The following RNF220 variants were observed in gnomAD, a reference collection of about 807,000 sequenced individuals.
RNF220 encodes the protein ring finger protein 220.
RNF220 carries 7 observed loss-of-function variants against 67.1 expected under a neutral mutation model. The ratio of observed to expected loss-of-function variants is 0.10; its 90% CI spans 0.06 to 0.20. The LOEUF (loss-of-function observed/expected upper bound fraction) is 0.20, where lower values mean the gene tolerates loss of function less well. Among genes scored for constraint, RNF220 ranks in the 10% least tolerant of loss-of-function variants. The probability of loss-of-function intolerance (pLI) is 1.00; values close to 1 mark genes in which losing one functional copy is unlikely to be tolerated. For missense variants in RNF220, 565 were observed against 740.3 expected, an observed-to-expected ratio of 0.76 and a Z score of 2.75; for synonymous variants, 270 against 283.2, an observed-to-expected ratio of 0.95 and a Z score of 0.47.
chr1:44,426,956 CTT>C, intron 2 of RNF220, among the ~76,000 whole-genome samples: 1 of 152,216 alleles, frequency 6.6e-6, no homozygotes, highest in African/African-American at 2.4e-5. Context: ...TAAATTCAGT[CTT>C]TTTATTGCAA....
At chr1:44,494,138 G>A (rs964223432) in intron 2 of RNF220, among the ~76,000 whole-genome samples, 2 of 150,250 alleles carry the variant, frequency 1.3e-5, no homozygotes, top group South Asian at 2.1e-4. Flanking sequence ...CTCAGGAGGC[G>A]GAGGTTGCAG....
Position 44,621,646 on chromosome 1 carries a change from G to A in RNF220, c.759-1096G>A, listed in dbSNP as rs958264454. On this transcript the variant is annotated intron_variant, in intron 3 of 14. Coordinates refer to ENST00000361799, the MANE Select transcript of RNF220 (RefSeq NM_018150.4). The surrounding 1 kb of genome is among the most constrained non-coding windows in gnomAD (Gnocchi z 4.8). The stretch of plus-strand genomic sequence containing the variant: ...TGCCTGTGCTTTTGCTGGCTTGTCC[G>A]GTACGTTTGTGTCTGGCCCTGTGGG... Among the ~76,000 whole-genome samples the A allele has an allele frequency of 2.6e-5, 4 of 152,058 alleles. No homozygotes were observed. Among genetic ancestry groups the A allele is most frequent in the East Asian group, 3.9e-4 (2 of 5,178 alleles).
chr1:44,645,371 A>C lies in RNF220; in HGVS notation c.1367-39A>C. 1.2e-6 allele frequency: 2 copies of C among 1,613,800 alleles called. No individual in the cohort carries two copies. Among genetic ancestry groups the C allele is most frequent in the South Asian group, 2.2e-5 (2 of 91,058 alleles). ...GCCCAACCCCTCACCTGTGCTGCCC[A>C]GTCTGGCCGGAGTGTGAGTTGCCCC... On this transcript the variant is annotated intron_variant, in intron 11 of 14. Transcript: ENST00000361799. This position sits in a 1 kb window ranked among gnomAD's most constrained non-coding sequence, Gnocchi z 5.0.
chr1:44,494,753 T>C (rs1657176859), intron 2 of RNF220, among the ~76,000 whole-genome samples: 1 of 152,212 alleles, frequency 6.6e-6, no homozygotes, highest in Non-Finnish European at 1.5e-5. Flanking sequence ...CTTTTGCTCT[T>C]TCTTTTGGTA....
chr1:44,563,912 C>T (rs1395748190), intron 2 of RNF220, among the ~76,000 whole-genome samples: 1 of 152,204 alleles, frequency 6.6e-6, no homozygotes, highest in Non-Finnish European at 1.5e-5. Flanking sequence ...TCTTACATCT[C>T]TATCTTCTCT....
At chr1:44,486,304 G>A (rs1348788043) in intron 2 of RNF220, among the ~76,000 whole-genome samples, 1 of 152,208 alleles carries the variant, frequency 6.6e-6, no homozygotes, top group Non-Finnish European at 1.5e-5. Context: ...GGCTGAGAGA[G>A]CTCAGAGGCT....
intron 7 of RNF220, 158 bp downstream of exon 7, chr1:44,635,746 G>A: frequency 6.8e-7 from 1 of 1,473,644 alleles, no homozygotes; most frequent in Non-Finnish European, 9.0e-7. Flanking sequence ...TGAATCTGTG[G>A]GCTCTTGGGG....
chr1:44,446,694 G>A (rs1049604235), intron 2 of RNF220, among the ~76,000 whole-genome samples: 2 of 152,050 alleles, frequency 1.3e-5, no homozygotes, highest in African/African-American at 4.8e-5. Flanking sequence ...AAGTAGCTGG[G>A]ATTACAGGCA....
At chr1:44,567,162 G>A (rs1384417645) in intron 2 of RNF220, among the ~76,000 whole-genome samples, 1 of 152,182 alleles carries the variant, frequency 6.6e-6, no homozygotes, top group Non-Finnish European at 1.5e-5. Flanking sequence ...TTATCAGGGT[G>A]CGGGAGGTGG....
chr1:44,466,308 G>A (rs777524387), intron 2 of RNF220, among the ~76,000 whole-genome samples: 3 of 152,054 alleles, frequency 2.0e-5, no homozygotes, highest in Non-Finnish European at 4.4e-5. Flanking sequence ...TGTAATTCTC[G>A]CTATTTTGAC....
At chr1:44,485,653 G>C (rs1656220109) in intron 2 of RNF220, among the ~76,000 whole-genome samples, 1 of 152,138 alleles carries the variant, frequency 6.6e-6, no homozygotes, top group South Asian at 2.1e-4. Context: ...CCATGCTCTG[G>C]GTTTTAATTC....
intron 3 of RNF220, among the ~76,000 whole-genome samples, chr1:44,616,570 T>C (rs1282143566): frequency 2.0e-5 from 3 of 152,070 alleles, no homozygotes; most frequent in Non-Finnish European, 4.4e-5. Context: ...CCAGTACCCA[T>C]GCTCTTAATC....
intron 2 of RNF220, among the ~76,000 whole-genome samples, chr1:44,540,760 A>G (rs1037685788): frequency 7.4e-4 from 113 of 152,140 alleles, no homozygotes; most frequent in African/African-American, 2.7e-3. Context: ...AGAAATGTGT[A>G]GATGCCTCCC....
In RNF220 at chr1:44,555,434, C is replaced by G. The variant is rs1662994590; in HGVS notation, c.626-58731C>G. Among the ~76,000 whole-genome samples, 3 of 151,856 alleles carry G rather than the reference C, an allele frequency of 2.0e-5. No individual in the cohort carries two copies. In the South Asian group the frequency reaches 6.2e-4, roughly 32 times the overall value. ...CAGTTCCTATGGCCTCTATGCATAC[C>G]CTAAATTCCAGCTATACTGAACGTA... On this transcript the variant is annotated intron_variant, in intron 2 of 14. Transcript: ENST00000361799.
chr1:44,461,924 G>GTTTTTTTTTTTTTTTTTTTTTTTTCTTTT (rs201661366), intron 2 of RNF220, among the ~76,000 whole-genome samples: 1 of 123,562 alleles, frequency 8.1e-6, no homozygotes. Flanking sequence ...TTTTTTCTTT[G>GTTTTTTTTTTTTTTTTTTTTTTTTCTTTT]TTTTTTTTTT....
At chr1:44,425,587 A>C (rs530443329) in intron 2 of RNF220, among the ~76,000 whole-genome samples, 3 of 152,164 alleles carry the variant, frequency 2.0e-5, no homozygotes, top group Non-Finnish European at 4.4e-5. Context: ...CAATAGGGCA[A>C]CAGCACAGTC....
chr1:44,481,554 G>A (rs565488787), intron 2 of RNF220, among the ~76,000 whole-genome samples: 3 of 152,118 alleles, frequency 2.0e-5, no homozygotes, highest in Non-Finnish European at 2.9e-5. Flanking sequence ...GAGGTTGAGC[G>A]GGGGGTACTT....
At chr1:44,590,031 C>T (rs1666003743) in intron 2 of RNF220, among the ~76,000 whole-genome samples, 1 of 152,136 alleles carries the variant, frequency 6.6e-6, no homozygotes. Context: ...CAAGGCAAAG[C>T]CAGATATGGG....
intron 2 of RNF220, among the ~76,000 whole-genome samples, chr1:44,427,819 C>A (rs1368463171): frequency 6.6e-6 from 1 of 152,126 alleles, no homozygotes; most frequent in African/African-American, 2.4e-5. Context: ...AACAGTGCCT[C>A]GCACAAAGTA....
Sources: gnomAD v4.1 joint callset for allele counts (sites outside exome capture counted in the v4.1 genomes callset) on GRCh38, gnomAD v4.1.1 for gene constraint, Gnocchi (gnomAD v3.1) non-coding constraint, MANE v1.5 for transcripts, NCBI Gene and HGNC (gene_info 2026-07-23, HGNC 2026-07-21) for gene names.